The following ADAMTSL1 variants were observed in gnomAD, a reference collection of about 807,000 sequenced individuals.
ADAMTSL1 encodes the protein ADAMTS like 1, also known as ADAMTS-like protein 1.
In ADAMTSL1, 126 loss-of-function variants were observed where a neutral mutation model predicts 201.8. That is an observed-to-expected ratio of 0.62 (90% CI 0.54 to 0.72). ADAMTSL1 has a LOEUF of 0.72. Among genes scored for constraint, ADAMTSL1 ranks in the 30% least tolerant of loss-of-function variants. The pLI, the probability that ADAMTSL1 is intolerant of heterozygous loss-of-function variation, is 0.00. For missense variants in ADAMTSL1, 2,679 were observed against 2,277.8 expected (o/e 1.18, Z -3.59); for synonymous variants, 1,121 against 903.4 (o/e 1.24, Z -4.32).
chr9:18,002,880 A>G (rs866474277), intron 1 of ADAMTSL1, among the ~76,000 whole-genome samples: 2 of 152,158 alleles, frequency 1.3e-5, no homozygotes, highest in Middle Eastern at 6.8e-3. Context: ...TTGGGCTAAA[A>G]CCAAGATCCT....
chr9:18,243,439 G>A (rs533089146), intron 2 of ADAMTSL1, among the ~76,000 whole-genome samples: 14 of 152,098 alleles, frequency 9.2e-5, no homozygotes, highest in East Asian at 7.7e-4. Flanking sequence ...GTGATGCCTC[G>A]AGGAACAAAT....
chr9:18,159,343 G>C (rs1827289678), intron 1 of ADAMTSL1, among the ~76,000 whole-genome samples: 1 of 151,954 alleles, frequency 6.6e-6, no homozygotes, highest in Non-Finnish European at 1.5e-5. Flanking sequence ...CTATGATTCA[G>C]TTTTCACAGA....
At chr9:17,934,190 T>C (rs75664517) in intron 1 of ADAMTSL1, among the ~76,000 whole-genome samples, 121 of 152,278 alleles carry the variant, frequency 7.9e-4, no homozygotes, top group African/African-American at 2.8e-3. Context: ...TGTGCATACA[T>C]AGGTAAGATG....
intron 19 of ADAMTSL1, among the ~76,000 whole-genome samples, chr9:18,792,902 A>G (rs1352101745): frequency 6.6e-6 from 1 of 152,210 alleles, no homozygotes; most frequent in Non-Finnish European, 1.5e-5. Context: ...CTAACATGTA[A>G]TTGTTTGACT....
intron 21 of ADAMTSL1, among the ~76,000 whole-genome samples, chr9:18,824,500 C>T (rs932001793): frequency 8.5e-5 from 13 of 152,128 alleles, no homozygotes; most frequent in East Asian, 3.9e-4. Context: ...TTCAAGGACA[C>T]GTAACAGATA....
At chr9:18,875,178 C>A (rs1828075234) in intron 23 of ADAMTSL1, among the ~76,000 whole-genome samples, 1 of 152,052 alleles carries the variant, frequency 6.6e-6, no homozygotes, top group African/African-American at 2.4e-5. Context: ...CACTAATGGT[C>A]TATCAGTTTT....
At chr9:18,106,499 G>GA (rs963789475) in intron 1 of ADAMTSL1, among the ~76,000 whole-genome samples, 3 of 152,076 alleles carry the variant, frequency 2.0e-5, no homozygotes, top group African/African-American at 7.2e-5. Flanking sequence ...TTGTGTTAAG[G>GA]AAAAAAGGCC....
intron 3 of ADAMTSL1, among the ~76,000 whole-genome samples, chr9:18,563,347 G>C (rs996133569): frequency 5.3e-5 from 8 of 152,316 alleles, no homozygotes; most frequent in Admixed American, 4.6e-4. Context: ...GGAGGCTACA[G>C]AACAGCAAAG....
chr9:18,333,500 G>C lies in ADAMTSL1; in HGVS notation c.207+169519G>C, dbSNP rs139497970. ...TTATTTATAAATTATGCAGTCTCGG[G>C]TGTTTCCTTATAGTGGCATGAGAAT... is the stretch of plus-strand genomic sequence containing the variant. On this transcript the variant is annotated intron_variant, in intron 2 of 29. Coordinates refer to the ADAMTSL1 transcript ENST00000680146. Among the ~76,000 whole-genome samples the C allele has an allele frequency of 5.3e-3, 807 of 152,246 alleles. 9 individuals carry two copies. Among genetic ancestry groups the C allele is most frequent in the African/African-American group, 0.019 (779 of 41,534 alleles).
chr9:18,696,391 T>C (rs1347306824), intron 13 of ADAMTSL1, among the ~76,000 whole-genome samples: 1 of 152,068 alleles, frequency 6.6e-6, no homozygotes, highest in Non-Finnish European at 1.5e-5. Flanking sequence ...GAGTAGTAAC[T>C]GGGGGAAAAT....
intron 9 of ADAMTSL1, among the ~76,000 whole-genome samples, chr9:18,672,907 C>T (rs955135227): frequency 1.3e-5 from 2 of 152,100 alleles, no homozygotes; most frequent in Admixed American, 6.5e-5. Flanking sequence ...ACCACCACAA[C>T]CCCTGATGAT....
chr9:18,440,382 A>G (rs997143025), intron 2 of ADAMTSL1, among the ~76,000 whole-genome samples: 2 of 152,012 alleles, frequency 1.3e-5, no homozygotes, highest in African/African-American at 4.8e-5. Flanking sequence ...TATAAATACT[A>G]CTATAAATAT....
intron 1 of ADAMTSL1, among the ~76,000 whole-genome samples, chr9:18,126,833 C>CA (rs1213043626): frequency 6.6e-6 from 1 of 152,016 alleles, no homozygotes; most frequent in African/African-American, 2.4e-5. Context: ...CCTCTGGATG[C>CA]AAAAACAGTA....
At chr9:17,924,816 A>T (rs1826458753) in intron 1 of ADAMTSL1, among the ~76,000 whole-genome samples, 1 of 75,220 alleles carries the variant, frequency 1.3e-5, no homozygotes, top group Non-Finnish European at 2.7e-5. Flanking sequence ...TGTCCAAAAC[A>T]CCAAAAGCAA....
chr9:18,711,263 C>G (rs1182461126), intron 14 of ADAMTSL1, among the ~76,000 whole-genome samples: 2 of 152,344 alleles, frequency 1.3e-5, no homozygotes, highest in South Asian at 2.1e-4. Context: ...CGAATAGGAA[C>G]AGCTCCGATC....
chr9:18,571,862 G>C (rs571519319), intron 3 of ADAMTSL1, among the ~76,000 whole-genome samples: 1 of 152,298 alleles, frequency 6.6e-6, no homozygotes, highest in Non-Finnish European at 1.5e-5. Context: ...CTGTGCTCTA[G>C]AACATATGGT....
chr9:18,735,912 AT>A (rs1818478168), intron 15 of ADAMTSL1, among the ~76,000 whole-genome samples: 3 of 139,552 alleles, frequency 2.1e-5, no homozygotes, highest in Non-Finnish European at 3.2e-5. Context: ...AAAAAAAAAA[AT>A]GTGTAGGTGG....
At chr9:18,512,765 A>G (rs1818111605) in intron 2 of ADAMTSL1, among the ~76,000 whole-genome samples, 1 of 152,192 alleles carries the variant, frequency 6.6e-6, no homozygotes, top group Non-Finnish European at 1.5e-5. Context: ...TTCTGGTAGC[A>G]TCATTTTATA....
chr9:18,681,701 G>C (rs151259731), intron 11 of ADAMTSL1, 111 bp from the exon 12 acceptor site: 21 of 470,126 alleles, frequency 4.5e-5, no homozygotes, highest in Admixed American at 3.7e-4. Flanking sequence ...CTCGTGTGGG[G>C]GGGGGGGGCG....
Sources: gnomAD v4.1 joint callset for allele counts (sites outside exome capture counted in the v4.1 genomes callset) on GRCh38, gnomAD v4.1.1 for gene constraint, MANE v1.5 for transcripts, NCBI Gene and HGNC (gene_info 2026-07-23, HGNC 2026-07-21) for gene names.